Variants in PGGT1B observed in about 807,000 individuals in gnomAD.
PGGT1B encodes geranylgeranyl transferase type-1 subunit beta.
In PGGT1B, 30 loss-of-function variants were observed where a neutral mutation model predicts 46.1. The ratio of observed to expected loss-of-function variants is 0.65; its 90% CI spans 0.49 to 0.88. The LOEUF (loss-of-function observed/expected upper bound fraction) is 0.88. PGGT1B is among the 40% of genes least tolerant of loss of function. PGGT1B has a pLI of 0.00. For synonymous variants in PGGT1B, 170 were observed against 160.0 expected (o/e 1.06, Z -0.47); for missense variants, 376 against 455.9 (o/e 0.82, Z 1.60).
At position 115,221,838 on chromosome 5, in the gene PGGT1B, C is replaced by T; in HGVS notation, c.829G>A (p.Gly277Arg). Residue 277 changes from glycine to arginine, a missense_variant, in exon 7 of 9, where the codon GGA becomes AGA. Transcript: ENST00000419445. ...PVDTCYSFWVGATLKLLKIFQ... is the reference protein window; with the variant it reads ...PVDTCYSFWVRATLKLLKIFQ... ...ATTTCTCTTACCTTCAGAGTTGCTC[C>T]CACCCAAAAAGAATAACAGGTGTCT... The T allele has an allele frequency of 6.3e-7, 1 of 1,583,650 alleles. No individual in the cohort carries two copies. Among genetic ancestry groups the T allele is most frequent in the East Asian group, 2.3e-5 (1 of 43,960 alleles).
In PGGT1B at chr5:115,206,632, TA is replaced by T. The variant is rs1228560591; in HGVS notation, c.*5769del. ...CAATATCCATACTTTAACAGTTGCATAGTATTGAGTTACATAAATGTATCAT... is the reference window on the plus strand; with the variant it reads ...CAATATCCATACTTTAACAGTTGCATGTATTGAGTTACATAAATGTATCAT... On this transcript the variant is annotated 3_prime_UTR_variant, in exon 9 of 9. Transcript: ENST00000419445. 6.6e-6 allele frequency: 1 copy of T among 152,004 alleles called. No homozygotes were observed. The highest frequency in any genetic ancestry group is 1.5e-5 in the Non-Finnish European group (1 of 67,892). 9.4% of individuals were successfully genotyped at this position (152,004 alleles called of 1,614,324 possible). A position where few individuals can be genotyped will look rare whatever the true frequency, so the allele number is the denominator to read the frequency against.
At chr5:115,225,897 C>T (rs1756766733) in intron 6 of PGGT1B, among the ~76,000 whole-genome samples, 1 of 152,204 alleles carries the variant, frequency 6.6e-6, no homozygotes, top group East Asian at 1.9e-4. Context: ...GATCCACCCA[C>T]ATCGGCCTCC....
At chr5:115,227,544 A>G (rs1756827273) in intron 6 of PGGT1B, among the ~76,000 whole-genome samples, 1 of 152,064 alleles carries the variant, frequency 6.6e-6, no homozygotes, top group South Asian at 2.1e-4. Context: ...CCCTTCACAG[A>G]CTTATCCACC....
rs1561485758 is a variant in PGGT1B, at chr5:115,252,983, G to A, written c.259+154C>T. 1.4e-5 allele frequency: 9 copies of A among 636,566 alleles called. No individual in the cohort carries two copies. The East Asian group carries it at 1.8e-4, about 13-fold the overall frequency. 39.4% of individuals were successfully genotyped at this position (636,566 alleles called of 1,614,324 possible). Reference sequence around the variant, plus strand: ...ATTATGATCAGATTTGTTAAGTACTGTATTTCAACAGAATGGCAATGCTGC... The same window carrying A: ...ATTATGATCAGATTTGTTAAGTACTATATTTCAACAGAATGGCAATGCTGC... On this transcript the variant is annotated intron_variant, in intron 2 of 8. Coordinates refer to ENST00000419445, the MANE Select transcript of PGGT1B (RefSeq NM_005023.4).
chr5:115,236,704 T>C (rs116278712), intron 4 of PGGT1B, among the ~76,000 whole-genome samples, 182 bp from the exon 5 acceptor site: 2,471 of 152,274 alleles, frequency 0.016, 45 homozygotes, highest in Non-Finnish European at 0.02. Flanking sequence ...ACTTGAATAA[T>C]ATAAAACTTT....
rs1371033730 is a variant in PGGT1B, at chr5:115,208,569, C to T, written c.*3833G>A. 3 of 151,944 alleles carry T rather than the reference C, an allele frequency of 2.0e-5. No individual in the cohort carries two copies. The highest frequency in any genetic ancestry group is 7.2e-5 in the African/African-American group (3 of 41,408). The allele number at this position is 151,944 out of a possible 1,614,324, so 9.4% of individuals were successfully genotyped here. A position where few individuals can be genotyped will look rare whatever the true frequency, so the allele number is the denominator to read the frequency against. On this transcript the variant is annotated 3_prime_UTR_variant, in exon 9 of 9. Transcript: ENST00000419445. Reference sequence around the variant, plus strand: ...AAATTTCCTGTTTTACTATTTCCCCCTTGTCATTTAAATTTTTGTATTTGT... The same window carrying T: ...AAATTTCCTGTTTTACTATTTCCCCTTTGTCATTTAAATTTTTGTATTTGT...
intron 2 of PGGT1B, among the ~76,000 whole-genome samples, chr5:115,242,814 A>C (rs1469610910): frequency 6.6e-6 from 1 of 152,148 alleles, no homozygotes; most frequent in East Asian, 1.9e-4. Context: ...TAATAATACA[A>C]AACTTAGATG....
At chr5:115,218,474 G>A (rs1756489437) in intron 7 of PGGT1B, among the ~76,000 whole-genome samples, 1 of 125,086 alleles carries the variant, frequency 8.0e-6, no homozygotes, top group Non-Finnish European at 1.6e-5. Context: ...TAAAATCTAT[G>A]TGTTCACAAT....
At chr5:115,238,291 ATTTTTTTTTTTTT>A (rs35711954) in intron 3 of PGGT1B, among the ~76,000 whole-genome samples, 6 of 46,964 alleles carry the variant, frequency 1.3e-4, no homozygotes, top group East Asian at 7.3e-4. Flanking sequence ...ATTTTTTTGG[ATTTTTTTTTTTTT>A]TTTTTTTTTT....
chr5:115,207,601 G>A lies in PGGT1B; in HGVS notation c.*4801C>T, dbSNP rs1756103026. The A allele has an allele frequency of 6.6e-6, 1 of 152,004 alleles. No homozygotes were observed. The highest frequency in any genetic ancestry group is 1.5e-5 in the Non-Finnish European group (1 of 67,910). 9.4% of individuals were successfully genotyped at this position (152,004 alleles called of 1,614,324 possible). A position where few individuals can be genotyped will look rare whatever the true frequency, so the allele number is the denominator to read the frequency against. On this transcript the variant is annotated 3_prime_UTR_variant, in exon 9 of 9. Coordinates refer to ENST00000419445, the MANE Select transcript of PGGT1B (RefSeq NM_005023.4). ...CGAAATGGAATCAAAGTATGCACTT[G>A]TGTCTGGTGAAGCCTACTGATATTT...
chr5:115,245,952 T>A (rs1266151566), intron 2 of PGGT1B, among the ~76,000 whole-genome samples: 1 of 152,178 alleles, frequency 6.6e-6, no homozygotes, highest in Non-Finnish European at 1.5e-5. Context: ...AACTAAGAAA[T>A]CAAGAAAATT....
intron 2 of PGGT1B, among the ~76,000 whole-genome samples, chr5:115,243,876 TCA>T (rs1757423389): frequency 6.6e-6 from 1 of 152,168 alleles, no homozygotes; most frequent in African/African-American, 2.4e-5. Flanking sequence ...GCCCCATATC[TCA>T]GAGTGGCAAC....
chr5:115,232,352 C>T (rs749654644), intron 5 of PGGT1B, among the ~76,000 whole-genome samples: 1 of 151,882 alleles, frequency 6.6e-6, no homozygotes, highest in Admixed American at 6.6e-5. Context: ...GAATTCTCAG[C>T]GACTTCACAA....
At chr5:115,244,193 C>A (rs1399438675) in intron 2 of PGGT1B, among the ~76,000 whole-genome samples, 1 of 152,050 alleles carries the variant, frequency 6.6e-6, no homozygotes, top group African/African-American at 2.4e-5. Flanking sequence ...AGGTTGGGCG[C>A]GGTGGCTCAT....
chr5:115,228,546 C>T (rs770578346), intron 6 of PGGT1B, among the ~76,000 whole-genome samples: 48 of 149,350 alleles, frequency 3.2e-4, no homozygotes, highest in Admixed American at 1.3e-3. Flanking sequence ...TTTTAAATCA[C>T]GAGCTTGAAC....
At position 115,209,510 on chromosome 5, in the gene PGGT1B, C is replaced by T. The variant is rs1443268011; in HGVS notation, c.*2892G>A. ...CAGCTGCCTTCCTTCTACTTCCTCCCACAGATACTGAAACTATGTGGTTCA... is the reference window on the plus strand; with the variant it reads ...CAGCTGCCTTCCTTCTACTTCCTCCTACAGATACTGAAACTATGTGGTTCA... On this transcript the variant is annotated 3_prime_UTR_variant, in exon 9 of 9. Transcript: ENST00000419445. 1.3e-5 allele frequency: 2 copies of T among 152,074 alleles called. No homozygotes were observed. The highest frequency in any genetic ancestry group is 2.4e-5 in the African/African-American group (1 of 41,408). 9.4% of individuals were successfully genotyped at this position (152,074 alleles called of 1,614,324 possible).
At chr5:115,238,455 A>G (rs1054078522) in intron 3 of PGGT1B, among the ~76,000 whole-genome samples, 5 of 151,734 alleles carry the variant, frequency 3.3e-5, no homozygotes. Context: ...AACAGGCACA[A>G]ACCACCATGC....
At chr5:115,221,744 C>A in intron 7 of PGGT1B, 80 bp downstream of exon 7, 1 of 797,428 alleles carries the variant, frequency 1.3e-6, no homozygotes, top group South Asian at 2.6e-5. Context: ...ATTTAATACA[C>A]ATTACAAAGA....
chr5:115,258,882 T>C (rs1748434582), intron 1 of PGGT1B, among the ~76,000 whole-genome samples: 1 of 152,220 alleles, frequency 6.6e-6, no homozygotes, highest in East Asian at 1.9e-4. Flanking sequence ...GCTATTGCAA[T>C]ATACTTTAAC....
Sources: allele counts gnomAD v4.1 joint callset (sites outside exome capture counted in the v4.1 genomes callset), GRCh38; gene constraint gnomAD v4.1.1; transcripts MANE v1.5; gene names NCBI Gene and HGNC (gene_info 2026-07-23, HGNC 2026-07-21).